The following CASQ1 variants were observed in gnomAD, a reference collection of about 807,000 sequenced individuals.
The protein encoded by CASQ1 is calsequestrin-1.
CASQ1 carries 40 observed loss-of-function variants against 49.5 expected under a neutral mutation model. The observed-to-expected ratio is 0.81, with a 90% CI of 0.63 to 1.05. The LOEUF is 1.05. Among genes scored for constraint, CASQ1 ranks in the 50% least tolerant of loss-of-function variants. CASQ1 has a pLI of 0.00. For missense variants in CASQ1, 469 were observed against 486.9 expected, an observed-to-expected ratio of 0.96 and a Z score of 0.35; for synonymous variants, 174 against 187.2, an observed-to-expected ratio of 0.93 and a Z score of 0.58.
intron 10 of CASQ1, 25 bp downstream of exon 10, chr1:160,199,950 G>T: frequency 6.6e-7 from 1 of 1,508,230 alleles, no homozygotes; most frequent in East Asian, 2.3e-5. Context: ...CTCATCCCGG[G>T]TTGACCCCCG....
chr1:160,195,534 G>C lies in CASQ1; in HGVS notation c.651G>C (p.Lys217Asn). ...YIPFFATFDS[K>N]VAKKLTLKLN... Reference sequence around the variant, plus strand: ...CCTTCTTCGCCACCTTCGACAGCAAGGTTCTCCTCCCCGCAGCTGTATTGG... The same window carrying C: ...CCTTCTTCGCCACCTTCGACAGCAACGTTCTCCTCCCCGCAGCTGTATTGG... The change falls in exon 5 of 11, where the codon AAG (lysine) becomes AAC (asparagine). Residue 217 changes from lysine to asparagine, a missense_variant and splice_region_variant. Coordinates refer to ENST00000368078, the MANE Select transcript of CASQ1 (RefSeq NM_001231.5). 6.2e-7 allele frequency: 1 copy of C among 1,613,326 alleles called. No individual in the cohort carries two copies. Among genetic ancestry groups the C allele is most frequent in the Non-Finnish European group, 8.5e-7 (1 of 1,179,412 alleles).
intron 6 of CASQ1, among the ~76,000 whole-genome samples, chr1:160,196,837 C>T (rs1224402674): frequency 2.0e-5 from 3 of 152,084 alleles, no homozygotes; most frequent in East Asian, 1.9e-4. Flanking sequence ...GAAGGCGTGG[C>T]GAGGTGGGCA....
At chr1:160,196,629 C>T (rs1310209328) in intron 6 of CASQ1, among the ~76,000 whole-genome samples, 1 of 152,126 alleles carries the variant, frequency 6.6e-6, no homozygotes, top group Non-Finnish European at 1.5e-5. Context: ...AGGCACGCCA[C>T]CACACCTGGC....
chr1:160,195,851 A>G, intron 5 of CASQ1, 46 bp from the exon 6 acceptor site: 1 of 1,597,930 alleles, frequency 6.3e-7, no homozygotes, highest in Non-Finnish European at 8.5e-7. Flanking sequence ...TCTCGACATG[A>G]CCCTGTGTCT....
rs141157148 is a variant in CASQ1 at position 160,195,474 on chromosome 1, C to G, written c.591C>G (p.Phe197Leu). 1 of 1,614,066 alleles carries G rather than the reference C, an allele frequency of 6.2e-7. No homozygotes were observed. Among genetic ancestry groups the G allele is most frequent in the Non-Finnish European group, 8.5e-7 (1 of 1,179,932 alleles). ...TCCACCCCCCAGATTACAAAGCCTT[C>G]GAGGATGCAGCTGAGGAGTTTCATC... is the stretch of plus-strand genomic sequence containing the variant. ...KSKDSEHYKA[F>L]EDAAEEFHPY... Residue 197 changes from phenylalanine to leucine, a missense_variant, in exon 5 of 11, where the codon TTC becomes TTG. Physicochemically the swap from Phe to Leu is conservative, Grantham distance 22. Coordinates refer to ENST00000368078, the MANE Select transcript of CASQ1 (RefSeq NM_001231.5).
In CASQ1 at chr1:160,197,609, A is replaced by G. The variant is rs1397328879; in HGVS notation, c.823A>G (p.Thr275Ala). 6.2e-7 allele frequency: 1 copy of G among 1,609,256 alleles called. No individual in the cohort carries two copies. Residue 275 changes from threonine to alanine, a missense_variant, in exon 7 of 11, where the codon ACC becomes GCC. Physicochemically the swap from Thr to Ala is moderately conservative, Grantham distance 58 (BLOSUM62 0). Coordinates refer to ENST00000368078, the MANE Select transcript of CASQ1 (RefSeq NM_001231.5). The stretch of plus-strand genomic sequence containing the variant: ...ACTGAAGCCGGAGAGTATGTATGAG[A>G]CCTGGGTGAGTGCCCCTGGCCAGGG... ...RKLKPESMYE[T>A]WEDDMDGIHI...
At chr1:160,193,285 G>C (rs1017110517) in intron 2 of CASQ1, among the ~76,000 whole-genome samples, 1 of 152,090 alleles carries the variant, frequency 6.6e-6, no homozygotes, top group Non-Finnish European at 1.5e-5. Flanking sequence ...GCACAGGCTT[G>C]AGACGGGATT....
chr1:160,198,886 C>A, intron 8 of CASQ1, 67 bp from the exon 9 acceptor site: 1 of 1,190,970 alleles, frequency 8.4e-7, no homozygotes, highest in Non-Finnish European at 1.3e-6. Context: ...TAGCTCTGCA[C>A]TCCTGTTTCA....
chr1:160,200,326 C>T (rs1339060625), intron 10 of CASQ1, among the ~76,000 whole-genome samples: 1 of 152,180 alleles, frequency 6.6e-6, no homozygotes. Flanking sequence ...ACAGTAGGTG[C>T]TTCAAAACTG....
intron 6 of CASQ1, among the ~76,000 whole-genome samples, chr1:160,196,955 T>C (rs576388748): frequency 4.3e-4 from 65 of 152,272 alleles, no homozygotes; most frequent in African/African-American, 1.4e-3. Context: ...TGCTAAACAT[T>C]CTACAGTGCG....
chr1:160,193,717 C>A (rs1202969717), intron 2 of CASQ1, 30 bp from the exon 3 acceptor site: 1 of 1,265,100 alleles, frequency 7.9e-7, no homozygotes, highest in African/African-American at 1.5e-5. Flanking sequence ...TGGCTCACTA[C>A]CCCACCCCTG....
intron 1 of CASQ1, among the ~76,000 whole-genome samples, chr1:160,192,053 T>A (rs1395227274): frequency 6.6e-6 from 1 of 151,986 alleles, no homozygotes; most frequent in Admixed American, 6.6e-5. Context: ...CTGTGCTGAG[T>A]GGGGGTAGAG....
intron 9 of CASQ1, 115 bp downstream of exon 9, chr1:160,199,168 T>C (rs1654313147): frequency 1.8e-5 from 13 of 735,178 alleles, no homozygotes; most frequent in Non-Finnish European, 2.9e-5. Context: ...TGGGGGGCCC[T>C]GGGAGGGTAT....
intron 1 of CASQ1, 68 bp downstream of exon 1, chr1:160,191,098 C>G: frequency 6.6e-7 from 1 of 1,522,540 alleles, no homozygotes; most frequent in Non-Finnish European, 9.0e-7. Flanking sequence ...TATCCTACAC[C>G]CATGTAGCTC....
intron 9 of CASQ1, among the ~76,000 whole-genome samples, 168 bp from the exon 10 acceptor site, chr1:160,199,683 T>C (rs959166): frequency 0.99 from 150,990 of 152,298 alleles, 74,866 homozygotes; most frequent in East Asian, 1. Flanking sequence ...TCCTCTTTTG[T>C]TGTTTAGTTC....
chr1:160,193,865 C>CCGT lies in CASQ1; in HGVS notation c.465+19_465+20insGTC. ...TGCTTGATGTAAGGACTCCCCTGGA[C>CCGT]CTGACGGCCTTGCTTGAAAACTCCA... On this transcript the variant is annotated intron_variant, in intron 3 of 10. Transcript: ENST00000368078. 6.4e-7 allele frequency: 1 copy of CCGT among 1,574,738 alleles called. No individual in the cohort carries two copies. The highest frequency in any genetic ancestry group is 8.7e-7 in the Non-Finnish European group (1 of 1,145,168).
chr1:160,194,111 T>G (rs1014985672), intron 3 of CASQ1, among the ~76,000 whole-genome samples: 18 of 141,630 alleles, frequency 1.3e-4, no homozygotes, highest in African/African-American at 4.7e-4. Context: ...AGGCACCACA[T>G]GCACACCACA....
intron 3 of CASQ1, 87 bp downstream of exon 3, chr1:160,193,934 C>G: frequency 1.3e-6 from 1 of 751,934 alleles, no homozygotes; most frequent in Non-Finnish European, 2.4e-6. Flanking sequence ...TGACACTGCA[C>G]ACACACACCA....
chr1:160,201,206 T>A (rs778766926), intron 10 of CASQ1, 39 bp from the exon 11 acceptor site: 1 of 1,600,524 alleles, frequency 6.2e-7, no homozygotes, highest in East Asian at 2.2e-5. Context: ...AAGACCCGGG[T>A]TGGACTTAGC....
Sources: allele counts gnomAD v4.1 joint callset (sites outside exome capture counted in the v4.1 genomes callset), GRCh38; gene constraint gnomAD v4.1.1; transcripts MANE v1.5; gene names NCBI Gene and HGNC (gene_info 2026-07-23, HGNC 2026-07-21).